TENM4: variants seen among roughly 807,000 people sequenced by gnomAD.
TENM4 encodes the protein teneurin-4.
A neutral mutation model predicts 243.3 loss-of-function variants in TENM4; 82 were observed. The observed-to-expected ratio is 0.34, with a 90% CI of 0.28 to 0.40. The LOEUF is 0.40. Among genes scored for constraint, TENM4 ranks in the 10% least tolerant of loss-of-function variants. TENM4 has a pLI of 1.00. For synonymous variants in TENM4, 1,412 were observed against 1,456.3 expected (o/e 0.97, Z 0.69); for missense variants, 3,138 against 3,673.3 (o/e 0.85, Z 3.77).
At chr11:78,856,311 C>A in intron 10 of TENM4, 133 bp from the exon 11 acceptor site, 2 of 792,712 alleles carry the variant, frequency 2.5e-6, no homozygotes, top group Non-Finnish European at 3.9e-6. Context: ...CTGTCAGCTT[C>A]CTCCCCACCC....
chr11:79,024,448 G>A (rs1859021860), intron 6 of TENM4, among the ~76,000 whole-genome samples: 1 of 152,202 alleles, frequency 6.6e-6, no homozygotes, highest in Admixed American at 6.5e-5. Flanking sequence ...ATATTCTAAA[G>A]CTATTCACAT....
At chr11:79,310,845 A>C (rs1856707450) in intron 1 of TENM4, among the ~76,000 whole-genome samples, 1 of 152,254 alleles carries the variant, frequency 6.6e-6, no homozygotes, top group Admixed American at 6.5e-5. Flanking sequence ...GAAAAGAAAT[A>C]AAATGCAAAA....
chr11:79,151,105 G>T (rs1346577813), intron 3 of TENM4, among the ~76,000 whole-genome samples: 1 of 152,098 alleles, frequency 6.6e-6, no homozygotes, highest in Non-Finnish European at 1.5e-5. Flanking sequence ...CATGGCTTCT[G>T]TGACTCACCA....
At chr11:78,940,733 T>C (rs1353071245) in intron 6 of TENM4, among the ~76,000 whole-genome samples, 1 of 152,138 alleles carries the variant, frequency 6.6e-6, no homozygotes, top group Non-Finnish European at 1.5e-5. Flanking sequence ...TTGGATATGC[T>C]TGGGCAGGTC....
At chr11:79,166,598 C>A (rs1414166450) in intron 3 of TENM4, among the ~76,000 whole-genome samples, 1 of 152,160 alleles carries the variant, frequency 6.6e-6, no homozygotes, top group Non-Finnish European at 1.5e-5. Flanking sequence ...TCATAAAACC[C>A]TGTTATTTGC....
At chr11:78,812,568 A>G (rs1857522798) in intron 13 of TENM4, among the ~76,000 whole-genome samples, 3 of 152,054 alleles carry the variant, frequency 2.0e-5, no homozygotes, top group Admixed American at 6.5e-5. Flanking sequence ...CATCCCCTTC[A>G]TGTTGCTGAT....
rs536434485 is a variant in TENM4 at position 79,150,940 on chromosome 11, A to G, written c.-162-2134T>C. 6.6e-5 allele frequency among the ~76,000 whole-genome samples: 10 copies of G among 152,270 alleles called. No homozygotes were observed. The South Asian group carries it at 1.9e-3, about 28-fold the overall frequency. ...CGAGGTAGACATTATTAATATTCCT[A>G]TTTTACAGATGAGAAAATAGAAGCT... is the stretch of plus-strand genomic sequence containing the variant. On this transcript the variant is annotated intron_variant, in intron 3 of 33. Coordinates refer to ENST00000278550, the MANE Select transcript of TENM4 (RefSeq NM_001098816.3).
At chr11:79,071,316 T>A (rs1860409938) in intron 4 of TENM4, among the ~76,000 whole-genome samples, 1 of 152,246 alleles carries the variant, frequency 6.6e-6, no homozygotes, top group East Asian at 1.9e-4. Context: ...CACAAGACAT[T>A]CCCCTGCTTC....
chr11:79,047,033 G>A (rs923318720), intron 6 of TENM4, among the ~76,000 whole-genome samples: 2 of 152,162 alleles, frequency 1.3e-5, no homozygotes, highest in African/African-American at 4.8e-5. Context: ...TGATTACACA[G>A]AGATAGATAA....
chr11:79,335,518 A>G (rs573184939), intron 1 of TENM4, among the ~76,000 whole-genome samples: 2 of 152,304 alleles, frequency 1.3e-5, no homozygotes, highest in South Asian at 2.1e-4. Flanking sequence ...TTTTGCATCA[A>G]TTTCCTACTC....
rs1400750263 is a variant in TENM4, at chr11:78,667,037, GGAGA to G, written c.7408+1896_7408+1899del. Among the ~76,000 whole-genome samples, 3 of 152,202 alleles carry G rather than the reference GGAGA, an allele frequency of 2.0e-5. No homozygotes were observed. In the East Asian group the frequency reaches 5.8e-4, roughly 29 times the overall value. On this transcript the variant is annotated intron_variant, in intron 32 of 33. Coordinates refer to ENST00000278550, the MANE Select transcript of TENM4 (RefSeq NM_001098816.3). ...CAAGACATCTCACAGGAAACTCATT[GGAGA>G]GTGAGGCAGGGGGTGTGCTTAATGC...
intron 12 of TENM4, among the ~76,000 whole-genome samples, chr11:78,828,169 C>T (rs1362828827): frequency 6.6e-6 from 1 of 152,218 alleles, no homozygotes; most frequent in Non-Finnish European, 1.5e-5. Flanking sequence ...GTGGAGAATG[C>T]ACTGCTTACT....
At chr11:78,948,941 GAC>G (rs1857061284) in intron 6 of TENM4, among the ~76,000 whole-genome samples, 1 of 152,208 alleles carries the variant, frequency 6.6e-6, no homozygotes, top group Non-Finnish European at 1.5e-5. Context: ...TGTGTGATGA[GAC>G]GTACATCTTA....
Position 78,776,094 on chromosome 11 carries a change from T to C in TENM4, c.2392+2508A>G, listed in dbSNP as rs147209016. On this transcript the variant is annotated intron_variant, in intron 17 of 33. Transcript: ENST00000278550. ...TTCACTTCCCTAGACAAAGCCATCA[T>C]CATCTCTTACCTAGATGACAGCAAT... 5.1e-3 allele frequency among the ~76,000 whole-genome samples: 778 copies of C among 152,334 alleles called. 3 individuals are homozygous for C. Among genetic ancestry groups the C allele is most frequent in the Middle Eastern group, 0.017 (5 of 294 alleles).
At chr11:78,978,638 G>A (rs535723169) in intron 6 of TENM4, among the ~76,000 whole-genome samples, 1 of 152,196 alleles carries the variant, frequency 6.6e-6, no homozygotes, top group Admixed American at 6.5e-5. Flanking sequence ...GACGGAACGA[G>A]AAATCAACTA....
chr11:78,891,257 C>G lies in TENM4; in HGVS notation c.829G>C (p.Asp277His). The change falls in exon 8 of 34, where the codon GAT becomes CAT. Residue 277 changes from aspartate to histidine, a missense_variant. Around this residue, in one of 2 missense-constraint regions of TENM4, gnomAD observed 671 missense variants for 614.1 expected, o/e 1.09. Transcript: ENST00000278550. Reference protein sequence around the residue: ...EMDILGASRHDGAYSDGHFLF... With the variant: ...EMDILGASRHHGAYSDGHFLF... ...ACCTACCCGTCACTGTAAGCCCCAT[C>G]ATGGCGGGAGGCGCCGAGAATGTCC... 6.4e-7 allele frequency: 1 copy of G among 1,551,714 alleles called. No individual in the cohort carries two copies. Among genetic ancestry groups the G allele is most frequent in the East Asian group, 2.4e-5 (1 of 40,898 alleles).
chr11:79,311,929 G>A (rs1368820582), intron 1 of TENM4, among the ~76,000 whole-genome samples: 1 of 152,140 alleles, frequency 6.6e-6, no homozygotes, highest in African/African-American at 2.4e-5. Flanking sequence ...TTTTCCCTGG[G>A]ATGGTTTTAT....
At chr11:78,785,018 G>A (rs1432613278) in intron 16 of TENM4, among the ~76,000 whole-genome samples, 1 of 151,862 alleles carries the variant, frequency 6.6e-6, no homozygotes, top group African/African-American at 2.4e-5. Flanking sequence ...AACAGAATGG[G>A]CCCTCTCTGG....
At chr11:78,770,152 C>A (rs542595512) in intron 18 of TENM4, among the ~76,000 whole-genome samples, 11 of 152,256 alleles carry the variant, frequency 7.2e-5, no homozygotes, top group African/African-American at 2.6e-4. Context: ...TCCTAATAAC[C>A]ACCTGTGAGT....
Sources: allele counts gnomAD v4.1 joint callset (sites outside exome capture counted in the v4.1 genomes callset), GRCh38; gene constraint gnomAD v4.1.1; regional missense constraint gnomAD v4.1.1; transcripts MANE v1.5; gene names NCBI Gene and HGNC (gene_info 2026-07-23, HGNC 2026-07-21).